CTTN: variants seen among roughly 807,000 people sequenced by gnomAD.
CTTN encodes the protein src substrate cortactin.
A neutral mutation model predicts 84.0 loss-of-function variants in CTTN; 28 were observed. That is an observed-to-expected ratio of 0.33 (90% CI 0.25 to 0.46). CTTN has a LOEUF of 0.46. CTTN is among the 20% of genes least tolerant of loss of function. The pLI is 1.00. For missense variants in CTTN, 641 were observed against 723.8 expected (o/e 0.89, Z 1.31); for synonymous variants, 301 against 288.8 (o/e 1.04, Z -0.43).
chr11:70,407,382 G>A lies in CTTN; in HGVS notation c.85G>A (p.Val29Met). ...ADDWETDPDFVNDVSEKEQRW... is the reference protein window; with the variant it reads ...ADDWETDPDFMNDVSEKEQRW... ...TGACTGGGAGACCGACCCTGATTTTGTGGTAGGAGCCGCCAGCCTTTGCTT... is the reference window on the plus strand; with the variant it reads ...TGACTGGGAGACCGACCCTGATTTTATGGTAGGAGCCGCCAGCCTTTGCTT... Residue 29 changes from valine (V) to methionine (M), a missense_variant and splice_region_variant, in exon 3 of 18, where the codon GTG becomes ATG. Physicochemically the swap from Val to Met is conservative, Grantham distance 21. Coordinates refer to ENST00000301843, the MANE Select transcript of CTTN (RefSeq NM_005231.4). The A allele has an allele frequency of 6.2e-7, 1 of 1,601,824 alleles. No individual in the cohort carries two copies. Among genetic ancestry groups the A allele is most frequent in the Non-Finnish European group, 8.5e-7 (1 of 1,173,798 alleles).
intron 12 of CTTN, among the ~76,000 whole-genome samples, chr11:70,425,120 A>G (rs2058286444): frequency 6.6e-6 from 1 of 152,130 alleles, no homozygotes; most frequent in Admixed American, 6.5e-5. Flanking sequence ...TCTTATGCTA[A>G]TGCTGACCCA....
intron 2 of CTTN, 66 bp from the exon 3 acceptor site, chr11:70,407,232 C>A (rs2058049433): frequency 1.5e-6 from 2 of 1,364,334 alleles, no homozygotes; most frequent in Admixed American, 4.2e-5. Flanking sequence ...GGCCAAAGGG[C>A]TCATCTGCTG....
chr11:70,436,218 C>A lies in CTTN; in HGVS notation c.*1056C>A. On this transcript the variant is annotated 3_prime_UTR_variant, in exon 18 of 18. Transcript: ENST00000301843. ...AAGTGCAGATGAGTGTGTGTTCTTC[C>A]CCAAGGTCCCCCCACAGCTCCAGGA... 6.4e-7 allele frequency: 1 copy of A among 1,573,510 alleles called. No individual in the cohort carries two copies.
intron 12 of CTTN, 149 bp downstream of exon 12, chr11:70,423,144 G>T (rs561422362): frequency 1.1e-4 from 105 of 985,776 alleles, no homozygotes; most frequent in Middle Eastern, 8.5e-4. Flanking sequence ...TGACTGACTC[G>T]GACAGTCTTG....
At chr11:70,423,863 C>T (rs531751529) in intron 12 of CTTN, among the ~76,000 whole-genome samples, 141 of 152,288 alleles carry the variant, frequency 9.3e-4, no homozygotes, top group South Asian at 3.1e-3. Context: ...CTGGGGGGGT[C>T]TACTTTGAGA....
chr11:70,406,695 G>T (rs1386204331), intron 2 of CTTN, among the ~76,000 whole-genome samples: 6 of 152,214 alleles, frequency 3.9e-5, no homozygotes, highest in Non-Finnish European at 8.8e-5. Context: ...AGAGGAAAAG[G>T]TGGCATTTTA....
At chr11:70,413,985 G>A (rs1484791530) in intron 5 of CTTN, among the ~76,000 whole-genome samples, 1 of 152,110 alleles carries the variant, frequency 6.6e-6, no homozygotes, top group Non-Finnish European at 1.5e-5. Flanking sequence ...CCCACTGGTG[G>A]CCCCGACCTG....
chr11:70,423,543 C>T lies in CTTN; in HGVS notation c.957+548C>T, dbSNP rs75407587. Reference sequence around the variant, plus strand: ...ACACAGCACCATCCAGGGGCGTAGGCAGGCAGAGCAGGTGTTCGGGCTGGG... The same window carrying T: ...ACACAGCACCATCCAGGGGCGTAGGTAGGCAGAGCAGGTGTTCGGGCTGGG... On this transcript the variant is annotated intron_variant, in intron 12 of 17. Coordinates refer to ENST00000301843, the MANE Select transcript of CTTN (RefSeq NM_005231.4). Among the ~76,000 whole-genome samples the T allele has an allele frequency of 3.0e-3, 452 of 152,314 alleles. 2 individuals carry two copies. The highest frequency in any genetic ancestry group is 0.01 in the African/African-American group (433 of 41,586).
At chr11:70,427,614 G>A (rs961023523) in intron 13 of CTTN, among the ~76,000 whole-genome samples, 1 of 152,240 alleles carries the variant, frequency 6.6e-6, no homozygotes, top group Non-Finnish European at 1.5e-5. Context: ...CCGCCCAAGC[G>A]TGCCAGGCAG....
chr11:70,427,490 A>C (rs2058312390), intron 13 of CTTN, among the ~76,000 whole-genome samples: 1 of 152,262 alleles, frequency 6.6e-6, no homozygotes, highest in South Asian at 2.1e-4. Flanking sequence ...CTGCCTCTGC[A>C]GTCTATCGAT....
rs528348272 is a variant in CTTN, at chr11:70,421,965, A to G, written c.901+385A>G. On this transcript the variant is annotated intron_variant, in intron 11 of 17. Transcript: ENST00000301843. The stretch of plus-strand genomic sequence containing the variant: ...AGTCAGGCCTTCCAGATGAGGAGAG[A>G]GGTGTTGGTTCAACCAAACCACTGG... 7.1e-5 allele frequency: 16 copies of G among 226,814 alleles called. No individual in the cohort carries two copies. The South Asian group carries it at 1.0e-3, about 15-fold the overall frequency. 14.1% of individuals were successfully genotyped at this position (226,814 alleles called of 1,614,324 possible). A position where few individuals can be genotyped will look rare whatever the true frequency, so the allele number is the denominator to read the frequency against.
chr11:70,431,884 C>T (rs538480300), intron 15 of CTTN, among the ~76,000 whole-genome samples: 10 of 152,300 alleles, frequency 6.6e-5, no homozygotes, highest in African/African-American at 2.2e-4. Context: ...TCCTGCTCCC[C>T]GCCAGCACCT....
chr11:70,435,702 G>A lies in CTTN; in HGVS notation c.*540G>A, dbSNP rs754157996. The A allele has an allele frequency of 6.3e-7, 1 of 1,597,830 alleles. No homozygotes were observed. The highest frequency in any genetic ancestry group is 8.5e-7 in the Non-Finnish European group (1 of 1,179,606). On this transcript the variant is annotated 3_prime_UTR_variant, in exon 18 of 18. Coordinates refer to ENST00000301843, the MANE Select transcript of CTTN (RefSeq NM_005231.4). ...GAGCACAGGAGCTGCCATGTCAGAT[G>A]GGAAATCTGCCTATGTCATACCGTG...
At chr11:70,415,753 G>T in intron 7 of CTTN, 36 bp downstream of exon 7, 1 of 1,610,952 alleles carries the variant, frequency 6.2e-7, no homozygotes, top group South Asian at 1.1e-5. Flanking sequence ...GCCCGCTCCG[G>T]GGGCCCCGAT....
In CTTN at chr11:70,400,290, G is replaced by C. The variant is rs149950142; in HGVS notation, c.-98+1676G>C. 1.5e-3 allele frequency among the ~76,000 whole-genome samples: 222 copies of C among 152,266 alleles called. 1 individual carries two copies. The highest frequency in any genetic ancestry group is 5.2e-3 in the African/African-American group (215 of 41,570). ...TCCAGACTAGCCTGGGCAACACAGG[G>C]AGACCTTGTGTCTACAAAAAAAGAA... On this transcript the variant is annotated intron_variant, in intron 1 of 17. Transcript: ENST00000301843.
chr11:70,432,992 G>T (rs1333356220), intron 15 of CTTN, 109 bp from the exon 16 acceptor site: 70 of 1,193,614 alleles, frequency 5.9e-5, no homozygotes, highest in Non-Finnish European at 8.1e-5. Flanking sequence ...GTCCTGGCTG[G>T]GACTGAGAAT....
intron 13 of CTTN, among the ~76,000 whole-genome samples, chr11:70,426,131 G>A (rs186112764): frequency 1.4e-4 from 22 of 152,306 alleles, no homozygotes; most frequent in African/African-American, 4.3e-4. Context: ...AATGTGGCCC[G>A]GCACAGTGGC....
chr11:70,418,338 A>C (rs1291107860), intron 8 of CTTN, among the ~76,000 whole-genome samples: 1 of 152,210 alleles, frequency 6.6e-6, no homozygotes. Flanking sequence ...GGAACAGTCC[A>C]TTCCTCCTCT....
intron 12 of CTTN, among the ~76,000 whole-genome samples, chr11:70,424,691 C>T (rs544842650): frequency 2.0e-5 from 3 of 151,948 alleles, no homozygotes; most frequent in East Asian, 1.9e-4. Context: ...GAGCGGGGTC[C>T]GAGGAAGGAC....
Sources: allele counts gnomAD v4.1 joint callset (sites outside exome capture counted in the v4.1 genomes callset), GRCh38; gene constraint gnomAD v4.1.1; transcripts MANE v1.5; gene names NCBI Gene and HGNC (gene_info 2026-07-23, HGNC 2026-07-21).